The following ABCA13 variants were observed in gnomAD, a reference collection of about 807,000 sequenced individuals.
ABCA13 encodes ATP binding cassette subfamily A member 13.
ABCA13 carries 476 observed loss-of-function variants against 478.7 expected under a neutral mutation model. That is an observed-to-expected ratio of 0.99 (90% CI 0.92 to 1.07). ABCA13 has a LOEUF of 1.07. Among genes scored for constraint, ABCA13 ranks in the 50% least tolerant of loss-of-function variants. The pLI is 0.00. For missense variants in ABCA13, 6,060 were observed against 5,910.6 expected, an observed-to-expected ratio of 1.03 and a Z score of -0.83; for synonymous variants, 2,252 against 2,158.9, an observed-to-expected ratio of 1.04 and a Z score of -1.20.
intron 15 of ABCA13, among the ~76,000 whole-genome samples, chr7:48,258,997 T>A (rs1399658809): frequency 2.0e-5 from 3 of 151,738 alleles, no homozygotes; most frequent in African/African-American, 4.8e-5. Flanking sequence ...TTTTTTTTTT[T>A]AATTTGCTGA....
At chr7:48,632,421 ATACT>A (rs1410140118) in intron 59 of ABCA13, among the ~76,000 whole-genome samples, 4 of 152,090 alleles carry the variant, frequency 2.6e-5, no homozygotes, top group African/African-American at 9.7e-5. Flanking sequence ...AATTTTGATG[ATACT>A]TAATTAATCT....
chr7:48,576,148 A>G (rs1190162622), intron 55 of ABCA13, among the ~76,000 whole-genome samples: 1 of 152,148 alleles, frequency 6.6e-6, no homozygotes, highest in African/African-American at 2.4e-5. Context: ...TATATAAAGG[A>G]CTTGAGCATC....
chr7:48,258,175 C>T (rs897618291), intron 15 of ABCA13, among the ~76,000 whole-genome samples: 23 of 152,248 alleles, frequency 1.5e-4, no homozygotes, highest in African/African-American at 4.6e-4. Context: ...CCTTCTGCCT[C>T]GGCCTCCCAA....
At chr7:48,597,831 G>A (rs1790454164) in intron 58 of ABCA13, among the ~76,000 whole-genome samples, 1 of 152,164 alleles carries the variant, frequency 6.6e-6, no homozygotes, top group Admixed American at 6.5e-5. Flanking sequence ...AAATTGAGAG[G>A]AAGGTACAGA....
intron 59 of ABCA13, among the ~76,000 whole-genome samples, chr7:48,637,381 C>CAAAAAAA (rs1156643955): frequency 0.016 from 315 of 19,962 alleles, 6 homozygotes; most frequent in East Asian, 0.02. Context: ...GTTCATAAAG[C>CAAAAAAA]AAAAAAAAAA....
chr7:48,462,609 A>C (rs1563298028), intron 43 of ABCA13, among the ~76,000 whole-genome samples: 1 of 151,946 alleles, frequency 6.6e-6, no homozygotes, highest in Non-Finnish European at 1.5e-5. Context: ...CCTGGGTTCC[A>C]GTGATTCTCC....
chr7:48,234,115 G>A lies in ABCA13; in HGVS notation c.861G>A (p.Thr287=), dbSNP rs372215692. ...AGTTTGGCTTTGATGATCTTCACAC[G>A]GAACAGATCCTGAACTCTTCAGCTG... The part of the protein sequence containing the change: ...KSQFGFDDLH[T]EQILNSSAEL... The change falls in exon 8 of 62, where the codon ACG becomes ACA. Residue 287 remains threonine, a synonymous_variant. Coordinates refer to ENST00000435803, the MANE Select transcript of ABCA13 (RefSeq NM_152701.5). 3.5e-5 allele frequency: 57 copies of A among 1,613,922 alleles called. No individual in the cohort carries two copies. In the East Asian group the frequency reaches 4.0e-4, roughly 11 times the overall value.
At chr7:48,371,685 TG>T (rs1812654617) in intron 32 of ABCA13, among the ~76,000 whole-genome samples, 1 of 152,192 alleles carries the variant, frequency 6.6e-6, no homozygotes, top group South Asian at 2.1e-4. Flanking sequence ...TAGGAACTTT[TG>T]GGCTGAGACG....
chr7:48,461,371 G>C (rs761154731), intron 43 of ABCA13, among the ~76,000 whole-genome samples: 4 of 152,186 alleles, frequency 2.6e-5, no homozygotes, highest in Non-Finnish European at 5.9e-5. Flanking sequence ...TGCATGTCCA[G>C]TTGGATACCC....
intron 50 of ABCA13, among the ~76,000 whole-genome samples, 197 bp from the exon 51 acceptor site, chr7:48,510,887 A>G (rs1831618242): frequency 1.3e-5 from 2 of 151,134 alleles, no homozygotes; most frequent in Non-Finnish European, 3.0e-5. Context: ...TGGGGGTTCA[A>G]TGTATAAATT....
intron 20 of ABCA13, 39 bp from the exon 21 acceptor site, chr7:48,295,661 A>G (rs751882311): frequency 1.6e-5 from 26 of 1,608,540 alleles, no homozygotes; most frequent in Middle Eastern, 3.3e-4. Flanking sequence ...ACAGATAAGT[A>G]TGTGTGCTTC....
At chr7:48,229,264 T>C (rs1788700559) in intron 6 of ABCA13, among the ~76,000 whole-genome samples, 1 of 152,076 alleles carries the variant, frequency 6.6e-6, no homozygotes, top group Admixed American at 6.6e-5. Context: ...AATTAATATG[T>C]ATATGTAGAT....
At chr7:48,209,258 G>C (rs1785316170) in intron 3 of ABCA13, among the ~76,000 whole-genome samples, 1 of 152,012 alleles carries the variant, frequency 6.6e-6, no homozygotes, top group Non-Finnish European at 1.5e-5. Context: ...ATTCAGTTTT[G>C]TTGGTATTTT....
chr7:48,524,399 A>G lies in ABCA13; in HGVS notation c.14203A>G (p.Ile4735Val), dbSNP rs1010920167. 1.9e-6 allele frequency: 3 copies of G among 1,612,834 alleles called. No homozygotes were observed. Among genetic ancestry groups the G allele is most frequent in the Non-Finnish European group, 2.5e-6 (3 of 1,179,446 alleles). Reference sequence around the variant, plus strand: ...TTATCGACGCTTTTTCCAGAATATTATTGCTGTGCAAGATATTAGTTTGGG... The same window carrying G: ...TTATCGACGCTTTTTCCAGAATATTGTTGCTGTGCAAGATATTAGTTTGGG... ...KHYRRFFQNI[I>V]AVQDISLGIP... Residue 4735 changes from isoleucine (I) to valine (V), a missense_variant, in exon 54 of 62, where the codon ATT becomes GTT. Transcript: ENST00000435803.
In ABCA13 at chr7:48,239,409, C is replaced by T. The variant is rs759340838; in HGVS notation, c.1062+4C>T. ...CTGGCTGCGAGTCTACCAACAGGTG[C>T]TGTCCCCTCTCTCTATGTTCTGTTC... On this transcript the variant is annotated splice_donor_region_variant and intron_variant, in intron 9 of 61. Coordinates refer to ENST00000435803, the MANE Select transcript of ABCA13 (RefSeq NM_152701.5). The T allele has an allele frequency of 6.2e-7, 1 of 1,609,798 alleles. No individual in the cohort carries two copies. Among genetic ancestry groups the T allele is most frequent in the East Asian group, 2.2e-5 (1 of 44,852 alleles).
chr7:48,495,578 T>C (rs1830205494), intron 48 of ABCA13, among the ~76,000 whole-genome samples: 1 of 152,198 alleles, frequency 6.6e-6, no homozygotes, highest in African/African-American at 2.4e-5. Flanking sequence ...TGTTCTTCCA[T>C]ATCTTCACTG....
chr7:48,271,706 T>A (rs927259416), intron 16 of ABCA13, 81 bp from the exon 17 acceptor site: 2 of 859,032 alleles, frequency 2.3e-6, no homozygotes, highest in Non-Finnish European at 3.2e-6. Flanking sequence ...TTACTATCAA[T>A]AAATGAGTAT....
At position 48,639,336 on chromosome 7, in the gene ABCA13, C is replaced by T. The variant is rs561313538; in HGVS notation, c.14838-3952C>T. Among the ~76,000 whole-genome samples the T allele has an allele frequency of 9.8e-5, 15 of 152,324 alleles. No homozygotes were observed. In the South Asian group the frequency reaches 3.1e-3, roughly 32 times the overall value. The stretch of plus-strand genomic sequence containing the variant: ...AAGGAAACCTATTACAATTCAGTAG[C>T]TGAGGACAGATCACTGGAATTTGGT... On this transcript the variant is annotated intron_variant, in intron 59 of 61. Transcript: ENST00000435803.
chr7:48,469,668 T>G (rs1211164999), intron 44 of ABCA13, among the ~76,000 whole-genome samples: 3 of 152,136 alleles, frequency 2.0e-5, no homozygotes, highest in Non-Finnish European at 2.9e-5. Flanking sequence ...AAAATGCACC[T>G]TAGCACTTTG....
Sources: gnomAD v4.1 joint callset for allele counts (sites outside exome capture counted in the v4.1 genomes callset) on GRCh38, gnomAD v4.1.1 for gene constraint, MANE v1.5 for transcripts, NCBI Gene and HGNC (gene_info 2026-07-23, HGNC 2026-07-21) for gene names.